Variants in PLXND1 observed in about 807,000 individuals in gnomAD.
PLXND1 encodes the protein plexin D1.
A neutral mutation model predicts 197.7 loss-of-function variants in PLXND1; 54 were observed. The observed-to-expected ratio is 0.27, with a 90% CI of 0.22 to 0.34. The LOEUF is 0.34. Among genes scored for constraint, PLXND1 ranks in the 10% least tolerant of loss-of-function variants. The pLI, the probability that PLXND1 is intolerant of heterozygous loss-of-function variation, is 1.00. For synonymous variants in PLXND1, 1,180 were observed against 1,161.2 expected (o/e 1.02, Z -0.33); for missense variants, 2,127 against 2,699.2 (o/e 0.79, Z 4.70).
At position 129,556,169 on chromosome 3, in the gene PLXND1, G is replaced by A. The variant is rs998055334; in HGVS notation, c.*143C>T. On this transcript the variant is annotated 3_prime_UTR_variant, in exon 36 of 36. Coordinates refer to ENST00000324093, the MANE Select transcript of PLXND1 (RefSeq NM_015103.3). The stretch of plus-strand genomic sequence containing the variant: ...GGCGGGGGCGCCCCTGTCTCAGAGA[G>A]CAGCCCCTCCTCCTGCCCCCGCCCC... 1.2e-5 allele frequency: 8 copies of A among 686,964 alleles called. No individual in the cohort carries two copies. In the African/African-American group the frequency reaches 1.2e-4, roughly 11 times the overall value. 42.6% of individuals were successfully genotyped at this position (686,964 alleles called of 1,614,324 possible).
intron 8 of PLXND1, among the ~76,000 whole-genome samples, chr3:129,579,531 G>A (rs2085359427): frequency 6.6e-6 from 1 of 152,204 alleles, no homozygotes. Flanking sequence ...AACCTGCCCT[G>A]TGTTCTCCAG....
At position 129,592,977 on chromosome 3, in the gene PLXND1, C is replaced by T. The variant is rs149458544; in HGVS notation, c.1312-3450G>A. Among the ~76,000 whole-genome samples the T allele has an allele frequency of 9.1e-3, 1,378 of 152,238 alleles. 60 individuals carry two copies. Among genetic ancestry groups the T allele is most frequent in the Admixed American group, 0.067 (1,026 of 15,290 alleles). ...GAACTTGGTCTCCAGGGACAGTTAG[C>T]CTCACAGGCCCAAAATACCCCCTGA... On this transcript the variant is annotated intron_variant, in intron 1 of 35. Coordinates refer to ENST00000324093, the MANE Select transcript of PLXND1 (RefSeq NM_015103.3).
At chr3:129,573,006 C>G in intron 13 of PLXND1, 65 bp from the exon 14 acceptor site, 7 of 1,134,986 alleles carry the variant, frequency 6.2e-6, no homozygotes, top group Non-Finnish European at 9.2e-6. Context: ...GAGCCAGGCT[C>G]AGGGATCGCC....
chr3:129,574,847 C>T (rs73863120), intron 11 of PLXND1, among the ~76,000 whole-genome samples: 11,298 of 152,254 alleles, frequency 0.074, 734 homozygotes, highest in African/African-American at 0.17. Context: ...CCAGATCCCA[C>T]CCAGACCTCA....
In PLXND1 at chr3:129,565,552, G is replaced by A. The variant is rs1168422135; in HGVS notation, c.4323-14C>T. Reference sequence around the variant, plus strand: ...GCCAGGCTGCACCTGTGAGCGGGAGGCAGGTGTCAACTGCACCTTGAGGCC... The same window carrying A: ...GCCAGGCTGCACCTGTGAGCGGGAGACAGGTGTCAACTGCACCTTGAGGCC... On this transcript the variant is annotated splice_polypyrimidine_tract_variant and intron_variant, in intron 24 of 35. Coordinates refer to ENST00000324093, the MANE Select transcript of PLXND1 (RefSeq NM_015103.3). 1 of 1,609,458 alleles carries A rather than the reference G, an allele frequency of 6.2e-7. No homozygotes were observed. Among genetic ancestry groups the A allele is most frequent in the Non-Finnish European group, 8.5e-7 (1 of 1,177,014 alleles).
intron 1 of PLXND1, among the ~76,000 whole-genome samples, chr3:129,594,719 T>C (rs566545104): frequency 4.6e-5 from 7 of 152,306 alleles, no homozygotes; most frequent in Admixed American, 1.3e-4. Context: ...AGAACAAATG[T>C]TGGCTTCTTA....
chr3:129,560,992 A>G (rs72987969), intron 29 of PLXND1: 27,221 of 599,786 alleles, frequency 0.045, 2,140 homozygotes, highest in East Asian at 0.25. Flanking sequence ...AGAGACACAC[A>G]GCGAGCGAGA....
intron 1 of PLXND1, among the ~76,000 whole-genome samples, chr3:129,595,220 C>A (rs1166293796): frequency 1.3e-5 from 2 of 152,252 alleles, no homozygotes; most frequent in Admixed American, 6.5e-5. Context: ...CAGACCCCAG[C>A]TCCTTCCACT....
intron 31 of PLXND1, 110 bp downstream of exon 31, chr3:129,560,220 C>A: frequency 1.4e-6 from 1 of 691,868 alleles, no homozygotes; most frequent in South Asian, 1.8e-5. Flanking sequence ...GAAGAACTCA[C>A]ACCCCTCTCC....
At position 129,577,085 on chromosome 3, in the gene PLXND1, G is replaced by A. The variant is rs2085324025; in HGVS notation, c.2347-1230C>T. 6.6e-6 allele frequency among the ~76,000 whole-genome samples: 1 copy of A among 152,182 alleles called. No individual in the cohort carries two copies. Among genetic ancestry groups the A allele is most frequent in the Non-Finnish European group, 1.5e-5 (1 of 68,036 alleles). On this transcript the variant is annotated intron_variant, in intron 9 of 35. Transcript: ENST00000324093. This position sits in a 1 kb window ranked among gnomAD's most constrained non-coding sequence, Gnocchi z 5.0. ...TAACACAGGAAAGTGGCTGCTGACG[G>A]GGCCAAAAGCCCGTTTTGTCCCCTG...
At chr3:129,570,617 C>T (rs1250445081) in intron 19 of PLXND1, 169 bp downstream of exon 19, 2 of 675,412 alleles carry the variant, frequency 3.0e-6, no homozygotes, top group Non-Finnish European at 5.1e-6. Flanking sequence ...GTTCTTGGGC[C>T]TCAGTTTCCT....
intron 9 of PLXND1, among the ~76,000 whole-genome samples, 172 bp from the exon 10 acceptor site, chr3:129,576,027 C>T (rs916982753): frequency 7.2e-5 from 11 of 152,358 alleles, no homozygotes; most frequent in Non-Finnish European, 1.2e-4. Flanking sequence ...CTGGCCATCA[C>T]GTCCAATGTT....
At chr3:129,556,586 G>T (rs192137792) in intron 35 of PLXND1, 31 bp downstream of exon 35, 22 of 1,524,416 alleles carry the variant, frequency 1.4e-5, no homozygotes, top group Admixed American at 6.7e-5. Context: ...CACCTACCCC[G>T]AGGGCAGGTG....
chr3:129,558,336 G>C lies in PLXND1; in HGVS notation c.5445+92C>G. 7.9e-7 allele frequency: 1 copy of C among 1,258,716 alleles called. No homozygotes were observed. The highest frequency in any genetic ancestry group is 1.5e-5 in the African/African-American group (1 of 67,336). 78.0% of individuals were successfully genotyped at this position (1,258,716 alleles called of 1,614,324 possible). ...GTTCCCCTCCCAGGAAGATCTCTGA[G>C]CTCAGCCTCAGAGAGTCGAGGAGGC... On this transcript the variant is annotated intron_variant, in intron 33 of 35. Transcript: ENST00000324093. The surrounding 1 kb of genome is among the most constrained non-coding windows in gnomAD (Gnocchi z 4.1).
rs1002184144 is a variant in PLXND1, at chr3:129,555,791, G to A, written c.*521C>T. 11 of 446,248 alleles carry A rather than the reference G, an allele frequency of 2.5e-5. No homozygotes were observed. The highest frequency in any genetic ancestry group is 4.2e-5 in the Admixed American group (1 of 23,924). The allele number at this position is 446,248 out of a possible 1,614,324, so 27.6% of individuals were successfully genotyped here. On this transcript the variant is annotated 3_prime_UTR_variant, in exon 36 of 36. Coordinates refer to ENST00000324093, the MANE Select transcript of PLXND1 (RefSeq NM_015103.3). ...CAAAAATCTGACACTACTTGAAACTGTCTGTGGCCAGGATCCTCTACGGGT... is the reference window on the plus strand; with the variant it reads ...CAAAAATCTGACACTACTTGAAACTATCTGTGGCCAGGATCCTCTACGGGT...
In PLXND1 at chr3:129,556,339, G is replaced by A; in HGVS notation, c.5751C>T (p.Asn1917=). 1 of 1,613,276 alleles carries A rather than the reference G, an allele frequency of 6.2e-7. No individual in the cohort carries two copies. Among genetic ancestry groups the A allele is most frequent in the Non-Finnish European group, 8.5e-7 (1 of 1,179,170 alleles). Residue 1917 remains asparagine, a synonymous_variant, in exon 36 of 36, where the codon AAC becomes AAT. Coordinates refer to ENST00000324093, the MANE Select transcript of PLXND1 (RefSeq NM_015103.3). ...FEQVVALMED[N]IYECYSEA ...AGGCCTCACTGTAGCACTCGTAGAT[G>A]TTGTCCTCCATCAAAGCCACCACCT...
In PLXND1 at chr3:129,567,322, C is replaced by T. The variant is rs547659095; in HGVS notation, c.4086+170G>A. 7.0e-4 allele frequency among the ~76,000 whole-genome samples: 107 copies of T among 152,306 alleles called. 1 individual carries two copies. Among genetic ancestry groups the T allele is most frequent in the South Asian group, 1.7e-3 (8 of 4,830 alleles). On this transcript the variant is annotated intron_variant, in intron 22 of 35. Transcript: ENST00000324093. ...CAGAGAATGACAGTGGAGAATCTGC[C>T]TCCAACCCTTCTCCCCGTGGCAGGC...
At chr3:129,575,586 T>G (rs374590713) in intron 10 of PLXND1, 24 bp from the exon 11 acceptor site, 1 of 1,519,688 alleles carries the variant, frequency 6.6e-7, no homozygotes. Context: ...GAAAAGAGCA[T>G]AGGGGGCATG....
At chr3:129,556,932 C>T (rs183961290) in intron 34 of PLXND1, 151 bp downstream of exon 34, 93 of 861,272 alleles carry the variant, frequency 1.1e-4, no homozygotes, top group South Asian at 5.3e-4. Flanking sequence ...AAATGCATGA[C>T]GAATTTGCAG....
Sources: allele counts gnomAD v4.1 joint callset (sites outside exome capture counted in the v4.1 genomes callset), GRCh38; gene constraint gnomAD v4.1.1; non-coding constraint Gnocchi (gnomAD v3.1); transcripts MANE v1.5; gene names NCBI Gene and HGNC (gene_info 2026-07-23, HGNC 2026-07-21).